TPRG1: variants seen among roughly 807,000 people sequenced by gnomAD.
The protein encoded by TPRG1 is tumor protein p63-regulated gene 1 protein.
Under a neutral mutation model 29.3 loss-of-function variants are expected in TPRG1, and 29 were observed. The ratio of observed to expected loss-of-function variants is 0.99; its 90% CI spans 0.74 to 1.35. The LOEUF (loss-of-function observed/expected upper bound fraction) is 1.35, where lower values mean the gene tolerates loss of function less well. Among genes scored for constraint, TPRG1 ranks in the 40% most tolerant of loss-of-function variants. TPRG1 has a pLI of 0.00. For missense variants in TPRG1, 327 were observed against 335.0 expected, an observed-to-expected ratio of 0.98 and a Z score of 0.19; for synonymous variants, 130 against 116.8, an observed-to-expected ratio of 1.11 and a Z score of -0.73.
At chr3:189,263,622 T>A (rs1316453865) in intron 4 of TPRG1, among the ~76,000 whole-genome samples, 1 of 152,180 alleles carries the variant, frequency 6.6e-6, no homozygotes, top group Non-Finnish European at 1.5e-5. Flanking sequence ...TGCTGAGAAA[T>A]GGGTTTGATT....
intron 1 of TPRG1, among the ~76,000 whole-genome samples, chr3:189,100,642 T>C (rs1446908483): frequency 6.6e-6 from 1 of 152,224 alleles, no homozygotes; most frequent in Non-Finnish European, 1.5e-5. Context: ...CTAGTAGTTA[T>C]TGATAGTTTG....
intron 1 of TPRG1, among the ~76,000 whole-genome samples, chr3:189,125,472 G>C (rs138024665): frequency 0.03 from 4,568 of 152,202 alleles, 109 homozygotes; most frequent in Middle Eastern, 0.051. Flanking sequence ...CTTCTTCCAG[G>C]GTTGTCTGTT....
At chr3:189,211,151 T>C (rs761635232) in intron 2 of TPRG1, among the ~76,000 whole-genome samples, 5 of 152,208 alleles carry the variant, frequency 3.3e-5, no homozygotes, top group Non-Finnish European at 5.9e-5. Context: ...ATGCCAACTA[T>C]TATTTCCCAT....
At chr3:189,281,000 T>C (rs748111717) in intron 4 of TPRG1, among the ~76,000 whole-genome samples, 3 of 152,160 alleles carry the variant, frequency 2.0e-5, no homozygotes, top group African/African-American at 2.4e-5. Context: ...CTCTCCTACA[T>C]GTCAGTTAGT....
chr3:189,150,266 T>A (rs976541396), intron 4 of TPRG1, among the ~76,000 whole-genome samples: 1 of 152,216 alleles, frequency 6.6e-6, no homozygotes, highest in Non-Finnish European at 1.5e-5. Flanking sequence ...CACTGCAACC[T>A]CCACCTCCTG....
At chr3:189,066,634 T>A (rs1716467104) in intron 4 of TPRG1, among the ~76,000 whole-genome samples, 1 of 147,188 alleles carries the variant, frequency 6.8e-6, no homozygotes. Context: ...GATAAAAACC[T>A]TAAAAAAAAA....
intron 4 of TPRG1, among the ~76,000 whole-genome samples, chr3:189,297,664 C>T (rs765566681): frequency 5.3e-5 from 8 of 152,194 alleles, no homozygotes; most frequent in Non-Finnish European, 1.0e-4. Flanking sequence ...TTCTAAACCA[C>T]GCTCTGAGTG....
At chr3:189,001,249 A>G (rs917621669) in intron 2 of TPRG1, among the ~76,000 whole-genome samples, 4 of 152,202 alleles carry the variant, frequency 2.6e-5, no homozygotes, top group African/African-American at 9.6e-5. Context: ...ACAAACAACT[A>G]AATCACAACA....
intron 4 of TPRG1, among the ~76,000 whole-genome samples, chr3:189,302,656 C>T (rs1169815045): frequency 6.6e-6 from 1 of 152,234 alleles, no homozygotes; most frequent in Non-Finnish European, 1.5e-5. Flanking sequence ...TAGATGCTCA[C>T]AACTTAAAGT....
chr3:189,272,902 AT>A (rs1175454316), intron 4 of TPRG1, among the ~76,000 whole-genome samples: 4 of 152,104 alleles, frequency 2.6e-5, no homozygotes, highest in African/African-American at 7.2e-5. Flanking sequence ...AGACTCTTCT[AT>A]TTCTGATGGG....
chr3:189,248,847 A>G (rs1560603312), intron 4 of TPRG1, among the ~76,000 whole-genome samples: 1 of 150,254 alleles, frequency 6.7e-6, no homozygotes, highest in African/African-American at 2.4e-5. Context: ...TAAATTGCCA[A>G]TTTTTTTTTA....
intron 4 of TPRG1, among the ~76,000 whole-genome samples, chr3:189,057,885 T>TAC (rs1715838971): frequency 1.4e-5 from 2 of 147,150 alleles, no homozygotes; most frequent in Non-Finnish European, 1.5e-5. Flanking sequence ...TATATATATA[T>TAC]ACGTATACAC....
At chr3:189,237,526 T>C (rs747904498) in intron 3 of TPRG1, among the ~76,000 whole-genome samples, 1 of 152,196 alleles carries the variant, frequency 6.6e-6, no homozygotes, top group Non-Finnish European at 1.5e-5. Flanking sequence ...GCCAAGTTTA[T>C]ACAGGAGTTT....
chr3:189,270,890 A>C (rs1715012652), intron 4 of TPRG1, among the ~76,000 whole-genome samples: 1 of 152,186 alleles, frequency 6.6e-6, no homozygotes, highest in Admixed American at 6.5e-5. Flanking sequence ...GACTACTCAA[A>C]ATAATGATAA....
chr3:189,251,241 T>C lies in TPRG1; in HGVS notation c.479+12332T>C, dbSNP rs111828907. Among the ~76,000 whole-genome samples, 837 of 152,276 alleles carry C rather than the reference T, an allele frequency of 5.5e-3. 11 individuals are homozygous for C. Among genetic ancestry groups the C allele is most frequent in the African/African-American group, 0.019 (808 of 41,556 alleles). On this transcript the variant is annotated intron_variant, in intron 4 of 5. Transcript: ENST00000345063. The stretch of plus-strand genomic sequence containing the variant: ...GCAGACAAGTGCCAGCATATCCATA[T>C]ACTGGTACTTAATAAAACAGAGTTT...
chr3:189,113,419 T>C (rs1720785764), intron 1 of TPRG1, among the ~76,000 whole-genome samples: 1 of 152,130 alleles, frequency 6.6e-6, no homozygotes, highest in South Asian at 2.1e-4. Flanking sequence ...CTATGTTGAA[T>C]AGGAGTGGTG....
chr3:189,049,232 CAGAT>C (rs1171384297), intron 4 of TPRG1, among the ~76,000 whole-genome samples: 1 of 152,194 alleles, frequency 6.6e-6, no homozygotes, highest in Non-Finnish European at 1.5e-5. Context: ...AGCTGGGAGG[CAGAT>C]AGCCTCAGGC....
At chr3:189,149,056 A>T (rs1007785690) in intron 4 of TPRG1, among the ~76,000 whole-genome samples, 3 of 152,206 alleles carry the variant, frequency 2.0e-5, no homozygotes, top group Admixed American at 2.0e-4. Flanking sequence ...TGTCATAGGT[A>T]TCCATAAAGT....
At chr3:189,092,115 T>C (rs941483345) in intron 4 of TPRG1, among the ~76,000 whole-genome samples, 3 of 152,224 alleles carry the variant, frequency 2.0e-5, no homozygotes, top group African/African-American at 7.2e-5. Flanking sequence ...CTCACTATTT[T>C]TCAGTTCAGA....
Sources: gnomAD v4.1 joint callset for allele counts (sites outside exome capture counted in the v4.1 genomes callset) on GRCh38, gnomAD v4.1.1 for gene constraint, MANE v1.5 for transcripts, NCBI Gene and HGNC (gene_info 2026-07-23, HGNC 2026-07-21) for gene names.